KIF7: variants seen among roughly 807,000 people sequenced by gnomAD.
KIF7 encodes the protein kinesin family member 7, also known as kinesin-like protein KIF7.
Under a neutral mutation model 135.7 loss-of-function variants are expected in KIF7, and 104 were observed. The ratio of observed to expected loss-of-function variants is 0.77; its 90% CI spans 0.65 to 0.90. The LOEUF is 0.90. Among genes scored for constraint, KIF7 ranks in the 40% least tolerant of loss-of-function variants. KIF7 has a pLI of 0.00. For synonymous variants in KIF7, 883 were observed against 809.4 expected, an observed-to-expected ratio of 1.09 and a Z score of -1.54; for missense variants, 2,005 against 1,839.1, an observed-to-expected ratio of 1.09 and a Z score of -1.65.
intron 11 of KIF7, among the ~76,000 whole-genome samples, chr15:89,638,669 T>A (rs1290303379): frequency 1.3e-5 from 2 of 150,460 alleles, no homozygotes; most frequent in Non-Finnish European, 3.0e-5. Context: ...GGAAGAACAT[T>A]CCATGCTCAT....
Position 89,652,934 on chromosome 15 carries a change from G to A in KIF7, c.-4C>T, listed in dbSNP as rs963725741. 1.4e-5 allele frequency: 21 copies of A among 1,508,694 alleles called. No individual in the cohort carries two copies. Among genetic ancestry groups the A allele is most frequent in the African/African-American group, 8.3e-5 (6 of 72,492 alleles). 93.5% of individuals were successfully genotyped at this position (1,508,694 alleles called of 1,614,324 possible). Reference sequence around the variant, plus strand: ...GCCTCTGAGCCTCCAGCCCCATGCCGAGGGAGGACTGCTCTGGGCCCTGTG... The same window carrying A: ...GCCTCTGAGCCTCCAGCCCCATGCCAAGGGAGGACTGCTCTGGGCCCTGTG... On this transcript the variant is annotated 5_prime_UTR_variant, in exon 2 of 19. Transcript: ENST00000394412.
chr15:89,650,013 A>T, intron 2 of KIF7, 72 bp from the exon 3 acceptor site: 1 of 1,444,092 alleles, frequency 6.9e-7, no homozygotes. Context: ...CCGGAAGCTC[A>T]TAGGCCCCTG....
At position 89,628,203 on chromosome 15, in the gene KIF7, ATGGAAGTAAG is replaced by A; in HGVS notation, c.*206_*215del. The A allele has an allele frequency of 1.9e-6, 1 of 528,996 alleles. No individual in the cohort carries two copies. The highest frequency in any genetic ancestry group is 5.2e-4 in the Middle Eastern group (1 of 1,930). 32.8% of individuals were successfully genotyped at this position (528,996 alleles called of 1,614,324 possible). Reference sequence around the variant, plus strand: ...GGCGGCAATTGGGTACCACAGCTTCATGGAAGTAAGTGGTGGGAATTTGCATATTATTTTG... The same window carrying A: ...GGCGGCAATTGGGTACCACAGCTTCATGGTGGGAATTTGCATATTATTTTG... On this transcript the variant is annotated 3_prime_UTR_variant, in exon 19 of 19. Transcript: ENST00000394412.
chr15:89,651,719 T>A (rs1199047829), intron 2 of KIF7, among the ~76,000 whole-genome samples: 1 of 152,212 alleles, frequency 6.6e-6, no homozygotes, highest in African/African-American at 2.4e-5. Flanking sequence ...TTTTCCTAAT[T>A]TTTTTTACAC....
chr15:89,652,814 C>G lies in KIF7; in HGVS notation c.117G>C (p.Gln39His). ...TGACGCGGCCAAGCCCTGGCTCCACCTGCAGGCAGCTCTGATGCCCGTGCA... is the reference window on the plus strand; with the variant it reads ...TGACGCGGCCAAGCCCTGGCTCCACGTGCAGGCAGCTCTGATGCCCGTGCA... Reference protein sequence around the residue: ...ELLHGHQSCLQVEPGLGRVTL... With the variant: ...ELLHGHQSCLHVEPGLGRVTL... The change falls in exon 2 of 19, where the codon CAG becomes CAC. Residue 39 changes from glutamine to histidine, a missense_variant. Physicochemically the swap from Gln to His is conservative, Grantham distance 24. Coordinates refer to ENST00000394412, the MANE Select transcript of KIF7 (RefSeq NM_198525.3). 2 of 1,550,984 alleles carry G rather than the reference C, an allele frequency of 1.3e-6. No individual in the cohort carries two copies. The highest frequency in any genetic ancestry group is 1.7e-6 in the Non-Finnish European group (2 of 1,146,888).
At chr15:89,629,166 G>A (rs969029275) in intron 17 of KIF7, 44 bp from the exon 18 acceptor site, 35 of 1,598,436 alleles carry the variant, frequency 2.2e-5, no homozygotes, top group Non-Finnish European at 2.6e-5. Context: ...GGCTGCAGGC[G>A]GGGCAGGCGG....
intron 12 of KIF7, 147 bp downstream of exon 12, chr15:89,633,539 A>C: frequency 2.2e-6 from 2 of 927,976 alleles, no homozygotes; most frequent in Non-Finnish European, 3.3e-6. Context: ...CCACATTTTC[A>C]GATGAAAAAA....
At chr15:89,629,736 G>A in intron 16 of KIF7, 163 bp from the exon 17 acceptor site, 1 of 833,450 alleles carries the variant, frequency 1.2e-6, no homozygotes, top group Non-Finnish European at 1.9e-6. Context: ...CCTCAGCAGT[G>A]CTCTAGTTAT....
downstream of KIF7, chr15:89,623,596 G>A: frequency 6.4e-7 from 1 of 1,574,144 alleles, no homozygotes; most frequent in Non-Finnish European, 8.6e-7. Context: ...AATATTCAAG[G>A]ACTGAAATAA....
chr15:89,630,326 G>A lies in KIF7; in HGVS notation c.3279C>T (p.Ser1093=). The A allele has an allele frequency of 6.2e-7, 1 of 1,614,174 alleles. No homozygotes were observed. ...TGCAGAGGAGGGCTCTGGTCTCTGA[G>A]GATGAGAGGTAGCTGAGCTTGGCCA... The part of the protein sequence containing the change: ...NLMAKLSYLS[S]SETRALLCKY... Residue 1093 remains serine, a synonymous_variant, in exon 16 of 19, where the codon TCC becomes TCT. Transcript: ENST00000394412.
chr15:89,646,906 G>A lies in KIF7; in HGVS notation c.1712C>T (p.Ala571Val), dbSNP rs1215172653. The change falls in exon 7 of 19, where the codon GCC becomes GTC. Residue 571 changes from alanine to valine, a missense_variant. Coordinates refer to ENST00000394412, the MANE Select transcript of KIF7 (RefSeq NM_198525.3). ...CACCATGCCCAGCACATGGGCGTGG[G>A]CACCCCCCAGGGGGGCTGTATGAGG... ...PRPHTAPLGG[A>V]HAHVLGMVPP... 6 of 1,613,902 alleles carry A rather than the reference G, an allele frequency of 3.7e-6. No homozygotes were observed. Among genetic ancestry groups the A allele is most frequent in the African/African-American group, 1.3e-5 (1 of 74,880 alleles).
chr15:89,652,859 T>A lies in KIF7; in HGVS notation c.72A>T (p.Pro24=). The part of the protein sequence containing the change: ...APVRVALRVR[P]LLPKELLHGH... ...CGTGCAGCAGCTCCTTGGGCAGCAG[T>A]GGTCGAACTCGCAGGGCAACCCGCA... Residue 24 remains proline (P), a synonymous_variant, in exon 2 of 19, where the codon CCA becomes CCT. Coordinates refer to ENST00000394412, the MANE Select transcript of KIF7 (RefSeq NM_198525.3). The A allele has an allele frequency of 6.5e-7, 1 of 1,547,574 alleles. No individual in the cohort carries two copies. The highest frequency in any genetic ancestry group is 8.7e-7 in the Non-Finnish European group (1 of 1,145,444).
the KIF7 span, among the ~76,000 whole-genome samples, chr15:89,662,163 C>G: frequency 6.6e-6 from 1 of 152,192 alleles, no homozygotes; most frequent in African/African-American, 2.4e-5. Context: ...ATCTCTCTCT[C>G]CATGCCCGGA....
downstream of KIF7, chr15:89,625,458 TGAGTCA>T: frequency 6.2e-7 from 1 of 1,613,932 alleles, no homozygotes; most frequent in Non-Finnish European, 8.5e-7. Flanking sequence ...TGTCACTGCT[TGAGTCA>T]GAGGGCAAGG....
chr15:89,621,242 A>C (rs1208794672), intron 1 of KIF7: 2 of 627,216 alleles, frequency 3.2e-6, no homozygotes, highest in African/African-American at 2.0e-5. Context: ...GCTGGTCTCG[A>C]ACTCCTGACC....
intron 1 of KIF7, among the ~76,000 whole-genome samples, chr15:89,654,195 G>C (rs1304100729): frequency 6.6e-6 from 1 of 152,006 alleles, no homozygotes; most frequent in African/African-American, 2.4e-5. Context: ...ATTTTTCATA[G>C]AGACAGGGTT....
intron 3 of KIF7, 89 bp downstream of exon 3, chr15:89,649,652 C>T: frequency 5.0e-6 from 7 of 1,391,454 alleles, no homozygotes; most frequent in Non-Finnish European, 6.8e-6. Flanking sequence ...TGAGGAGTTG[C>T]CATTCCCAGA....
intron 1 of KIF7, among the ~76,000 whole-genome samples, chr15:89,620,880 G>A (rs971236581): frequency 1.3e-4 from 19 of 151,902 alleles, no homozygotes; most frequent in African/African-American, 3.4e-4. Context: ...CCGCCACCAC[G>A]CCCAGCTAAA....
chr15:89,626,925 C>T (rs1963538837), downstream of KIF7: 2 of 1,607,794 alleles, frequency 1.2e-6, no homozygotes, highest in South Asian at 1.1e-5. Context: ...TCTGTGACTC[C>T]TGCATGCTAA....
Sources: allele counts gnomAD v4.1 joint callset (sites outside exome capture counted in the v4.1 genomes callset), GRCh38; gene constraint gnomAD v4.1.1; transcripts MANE v1.5; gene names NCBI Gene and HGNC (gene_info 2026-07-23, HGNC 2026-07-21).